The following EYS variants were observed in gnomAD, a reference collection of about 807,000 sequenced individuals.
The protein encoded by EYS is protein eyes shut homolog.
Under a neutral mutation model 282.1 loss-of-function variants are expected in EYS, and 250 were observed. That is an observed-to-expected ratio of 0.89 (90% CI 0.80 to 0.98). The LOEUF (loss-of-function observed/expected upper bound fraction) is 0.98, where lower values mean the gene tolerates loss of function less well. Ranked by LOEUF, EYS falls within the 50% of genes least tolerant of loss-of-function variation. The probability of loss-of-function intolerance (pLI) is 0.00; values close to 1 mark genes in which losing one functional copy is unlikely to be tolerated. For missense variants in EYS, 4,016 were observed against 3,709.0 expected, an observed-to-expected ratio of 1.08 and a Z score of -2.15; for synonymous variants, 1,355 against 1,282.9, an observed-to-expected ratio of 1.06 and a Z score of -1.20.
intron 31 of EYS, among the ~76,000 whole-genome samples, chr6:64,105,641 C>G (rs1211621391): frequency 1.3e-5 from 2 of 152,232 alleles, no homozygotes; most frequent in African/African-American, 2.4e-5. Flanking sequence ...TTCTCTTTCA[C>G]TATAGTTTTG....
At position 63,720,538 on chromosome 6, in the gene EYS, A is replaced by G; in HGVS notation, c.*58T>C. On this transcript the variant is annotated 3_prime_UTR_variant, in exon 43 of 43. Coordinates refer to ENST00000503581, the MANE Select transcript of EYS (RefSeq NM_001142800.2). ...TCCCCGTAAGCAATGTATCAAAGAAATAACTATCAAAATAACTGCATTTAT... is the reference window on the plus strand; with the variant it reads ...TCCCCGTAAGCAATGTATCAAAGAAGTAACTATCAAAATAACTGCATTTAT... 7.9e-7 allele frequency: 1 copy of G among 1,267,258 alleles called. No homozygotes were observed. The highest frequency in any genetic ancestry group is 1.1e-6 in the Non-Finnish European group (1 of 940,258). The allele number at this position is 1,267,258 out of a possible 1,614,324, so 78.5% of individuals were successfully genotyped here. A position where few individuals can be genotyped will look rare whatever the true frequency, so the allele number is the denominator to read the frequency against.
Position 63,721,565 on chromosome 6 carries a change from A to G in EYS, c.8466T>C (p.Tyr2822=). The G allele has an allele frequency of 6.4e-7, 1 of 1,551,806 alleles. No homozygotes were observed. Among genetic ancestry groups the G allele is most frequent in the Non-Finnish European group, 8.7e-7 (1 of 1,146,898 alleles). ...MSSLDTNTDF[Y]IGGVSSLNLV... ...GATTTAAAGAAGATACTCCTCCAATATAGAAGTCTGTATTTGTGTCCAGAG... is the reference window on the plus strand; with the variant it reads ...GATTTAAAGAAGATACTCCTCCAATGTAGAAGTCTGTATTTGTGTCCAGAG... The change falls in exon 43 of 43, where the codon TAT becomes TAC. Residue 2822 remains tyrosine (Y), a synonymous_variant. Coordinates refer to ENST00000503581, the MANE Select transcript of EYS (RefSeq NM_001142800.2).
In EYS at chr6:65,438,101, G is replaced by A. The variant is rs561763481; in HGVS notation, c.863-32734C>T. Among the ~76,000 whole-genome samples, 6 of 149,480 alleles carry A rather than the reference G, an allele frequency of 4.0e-5. No individual in the cohort carries two copies. The South Asian group carries it at 1.3e-3, about 32-fold the overall frequency. On this transcript the variant is annotated intron_variant, in intron 5 of 42. Coordinates refer to ENST00000503581, the MANE Select transcript of EYS (RefSeq NM_001142800.2). ...AATTCCCACCTACGAGTGAGAACAT[G>A]TAGTGTTTGGTTTTTTGTCTTTGCA...
chr6:63,744,725 A>C (rs1187362472), intron 41 of EYS: 1 of 174,604 alleles, frequency 5.7e-6, no homozygotes, highest in Non-Finnish European at 1.2e-5. Context: ...CCACCACTAC[A>C]CCCGGCTAAT....
chr6:64,689,366 G>T (rs947703586), intron 22 of EYS, among the ~76,000 whole-genome samples: 6 of 151,810 alleles, frequency 4.0e-5, no homozygotes, highest in Non-Finnish European at 2.9e-5. Flanking sequence ...CAGATAGGAA[G>T]AATCAATATC....
At chr6:64,164,724 C>T (rs1775213181) in intron 31 of EYS, among the ~76,000 whole-genome samples, 1 of 152,076 alleles carries the variant, frequency 6.6e-6, no homozygotes, top group African/African-American at 2.4e-5. Flanking sequence ...TTGCCGAGGA[C>T]CTCACTTCAG....
At chr6:64,518,475 G>A (rs1163234431) in intron 26 of EYS, among the ~76,000 whole-genome samples, 2 of 151,776 alleles carry the variant, frequency 1.3e-5, no homozygotes, top group Non-Finnish European at 2.9e-5. Flanking sequence ...ATGTACTGCT[G>A]AAGAACTCTC....
intron 31 of EYS, among the ~76,000 whole-genome samples, chr6:64,178,919 GC>G (rs796349751): frequency 4.6e-5 from 7 of 151,614 alleles, no homozygotes; most frequent in African/African-American, 1.7e-4. Context: ...AAGAATGTTG[GC>G]TTTTTTTTCT....
chr6:64,480,682 T>C (rs1776412212), intron 26 of EYS, among the ~76,000 whole-genome samples: 1 of 151,828 alleles, frequency 6.6e-6, no homozygotes, highest in Non-Finnish European at 1.5e-5. Context: ...CAGTAAACGT[T>C]ATAAATCTCA....
intron 12 of EYS, among the ~76,000 whole-genome samples, chr6:65,143,667 TTC>T (rs879866253): frequency 1.7e-3 from 255 of 152,214 alleles, no homozygotes; most frequent in Non-Finnish European, 2.6e-3. Flanking sequence ...AAGACATAGC[TTC>T]TCTTCACATT....
chr6:65,209,763 G>T (rs1462155309), intron 12 of EYS, among the ~76,000 whole-genome samples: 1 of 151,918 alleles, frequency 6.6e-6, no homozygotes, highest in East Asian at 1.9e-4. Context: ...ACATACTATG[G>T]TCAGGGATCA....
At chr6:65,535,838 A>T (rs1767945480) in intron 2 of EYS, among the ~76,000 whole-genome samples, 1 of 152,094 alleles carries the variant, frequency 6.6e-6, no homozygotes, top group Non-Finnish European at 1.5e-5. Flanking sequence ...TCACAGAAAC[A>T]CCCAGAATAA....
At chr6:65,309,651 C>T (rs11759055) in intron 11 of EYS, among the ~76,000 whole-genome samples, 26,469 of 151,612 alleles carry the variant, frequency 0.17, 2,361 homozygotes, top group Non-Finnish European at 0.22. Context: ...TTCGAATCTT[C>T]GCTCTGGTAC....
chr6:63,747,460 G>T (rs149582545), intron 41 of EYS, among the ~76,000 whole-genome samples: 3 of 152,244 alleles, frequency 2.0e-5, no homozygotes, highest in South Asian at 2.1e-4. Flanking sequence ...TGTCTATTAG[G>T]TCCTCTTGCT....
chr6:63,932,367 T>C (rs1005267159), intron 35 of EYS, among the ~76,000 whole-genome samples: 12 of 152,230 alleles, frequency 7.9e-5, no homozygotes, highest in African/African-American at 2.7e-4. Context: ...TATTTTTGGA[T>C]ATCCCCATTT....
chr6:64,789,934 T>A (rs1487854847), intron 22 of EYS, among the ~76,000 whole-genome samples: 1 of 151,808 alleles, frequency 6.6e-6, no homozygotes, highest in South Asian at 2.1e-4. Flanking sequence ...ATATGAATAA[T>A]CTTCGTTATA....
intron 24 of EYS, among the ~76,000 whole-genome samples, chr6:64,598,265 C>T (rs894682151): frequency 6.6e-6 from 1 of 152,180 alleles, no homozygotes; most frequent in Non-Finnish European, 1.5e-5. Context: ...TCGAGACCAT[C>T]CTTGCTAACA....
At chr6:64,315,802 G>A (rs954243685) in intron 29 of EYS, among the ~76,000 whole-genome samples, 8 of 150,734 alleles carry the variant, frequency 5.3e-5, no homozygotes, top group African/African-American at 2.0e-4. Flanking sequence ...TATGAACATC[G>A]ATGAGAAAAC....
chr6:63,831,785 A>G (rs1247875030), intron 36 of EYS, among the ~76,000 whole-genome samples: 1 of 152,164 alleles, frequency 6.6e-6, no homozygotes, highest in Non-Finnish European at 1.5e-5. Context: ...ACCACATCAC[A>G]CTTATTCCAA....
Sources: gnomAD v4.1 joint callset for allele counts (sites outside exome capture counted in the v4.1 genomes callset) on GRCh38, gnomAD v4.1.1 for gene constraint, MANE v1.5 for transcripts, NCBI Gene and HGNC (gene_info 2026-07-23, HGNC 2026-07-21) for gene names.